Variants in NKAIN2 observed in about 807,000 individuals in gnomAD.
The protein encoded by NKAIN2 is sodium/potassium transporting ATPase interacting 2.
In NKAIN2, 14 loss-of-function variants were observed where a neutral mutation model predicts 32.6. The observed-to-expected ratio is 0.43, with a 90% confidence interval of 0.28 to 0.67. NKAIN2 has a LOEUF of 0.67. Ranked by LOEUF, NKAIN2 falls within the 30% of genes least tolerant of loss-of-function variation. The pLI is 0.17. For synonymous variants in NKAIN2, 80 were observed against 87.2 expected (o/e 0.92, Z 0.46); for missense variants, 198 against 258.3 (o/e 0.77, Z 1.60).
chr6:124,373,942 C>T (rs1370762994), intron 3 of NKAIN2, among the ~76,000 whole-genome samples: 2 of 152,022 alleles, frequency 1.3e-5, no homozygotes, highest in Non-Finnish European at 2.9e-5. Flanking sequence ...AAAAAAGACA[C>T]AGAGGAGTCC....
chr6:124,499,065 G>A (rs1355172981), intron 3 of NKAIN2, among the ~76,000 whole-genome samples: 1 of 152,032 alleles, frequency 6.6e-6, no homozygotes, highest in African/African-American at 2.4e-5. Context: ...ACCTTATCCG[G>A]CCAATGTACT....
intron 3 of NKAIN2, among the ~76,000 whole-genome samples, chr6:124,629,893 G>A (rs1027967747): frequency 5.3e-5 from 8 of 152,040 alleles, no homozygotes; most frequent in African/African-American, 1.9e-4. Flanking sequence ...GCTAGTAAAC[G>A]GTTGTTGAAT....
At chr6:124,730,115 G>C (rs150287087) in intron 4 of NKAIN2, among the ~76,000 whole-genome samples, 1,921 of 91,752 alleles carry the variant, frequency 0.021, 660 homozygotes, top group Non-Finnish European at 0.029. Flanking sequence ...AATCAATATC[G>C]TGAAAATGGC....
intron 5 of NKAIN2, among the ~76,000 whole-genome samples, chr6:124,811,581 A>G (rs916128011): frequency 6.6e-6 from 1 of 152,168 alleles, no homozygotes; most frequent in Non-Finnish European, 1.5e-5. Context: ...TTGATATGGC[A>G]CTTGACTAAC....
At chr6:124,474,452 C>T (rs1777102722) in intron 3 of NKAIN2, among the ~76,000 whole-genome samples, 1 of 152,058 alleles carries the variant, frequency 6.6e-6, no homozygotes, top group Non-Finnish European at 1.5e-5. Flanking sequence ...CAAAGTGATT[C>T]TTCAAACGGA....
At chr6:124,538,643 C>T (rs1398283281) in intron 3 of NKAIN2, among the ~76,000 whole-genome samples, 3 of 152,086 alleles carry the variant, frequency 2.0e-5, no homozygotes, top group Non-Finnish European at 2.9e-5. Flanking sequence ...CCTCCATCAT[C>T]TTCAGTGAGA....
At chr6:124,319,665 A>C (rs1180376749) in intron 2 of NKAIN2, among the ~76,000 whole-genome samples, 2 of 152,092 alleles carry the variant, frequency 1.3e-5, no homozygotes, top group East Asian at 3.8e-4. Flanking sequence ...AAATGTTATT[A>C]TACATGCTGG....
At chr6:124,696,568 T>C (rs533885194) in intron 4 of NKAIN2, among the ~76,000 whole-genome samples, 26 of 152,236 alleles carry the variant, frequency 1.7e-4, no homozygotes, top group African/African-American at 6.3e-4. Context: ...GCCTCATAGC[T>C]GGTCTTTCTT....
intron 4 of NKAIN2, among the ~76,000 whole-genome samples, chr6:124,668,186 C>T (rs2114464425): frequency 6.6e-6 from 1 of 152,218 alleles, no homozygotes; most frequent in South Asian, 2.1e-4. Context: ...TTAGTTCATA[C>T]TATTACACTT....
intron 3 of NKAIN2, among the ~76,000 whole-genome samples, chr6:124,520,379 C>A (rs190449448): frequency 6.6e-5 from 10 of 152,118 alleles, no homozygotes; most frequent in Admixed American, 5.2e-4. Context: ...TATCATGAGA[C>A]CCCCAGAAGC....
chr6:124,073,297 G>T (rs989690597), intron 1 of NKAIN2, among the ~76,000 whole-genome samples: 2 of 152,240 alleles, frequency 1.3e-5, no homozygotes, highest in African/African-American at 4.8e-5. Flanking sequence ...CCGGCACAGC[G>T]TGCCATCTCA....
At chr6:124,035,062 G>C (rs978677561) in intron 1 of NKAIN2, among the ~76,000 whole-genome samples, 7 of 151,978 alleles carry the variant, frequency 4.6e-5, no homozygotes, top group Non-Finnish European at 1.0e-4. Context: ...AAGAAAAAAT[G>C]TCTAATATGC....
intron 1 of NKAIN2, among the ~76,000 whole-genome samples, chr6:123,876,488 C>T (rs1404812441): frequency 6.6e-6 from 1 of 152,068 alleles, no homozygotes; most frequent in Non-Finnish European, 1.5e-5. Context: ...AAAGGATTTG[C>T]TCACGTGTTT....
chr6:124,515,845 T>C (rs1778894122), intron 3 of NKAIN2, among the ~76,000 whole-genome samples: 1 of 151,742 alleles, frequency 6.6e-6, no homozygotes, highest in African/African-American at 2.4e-5. Context: ...CTGTTCTCGT[T>C]TTTAATCTCC....
intron 3 of NKAIN2, among the ~76,000 whole-genome samples, chr6:124,541,597 C>T (rs915703717): frequency 1.8e-4 from 28 of 152,172 alleles, no homozygotes; most frequent in Admixed American, 1.5e-3. Flanking sequence ...AATACTGTGA[C>T]ATTCAACTGT....
At chr6:124,594,161 A>C (rs1583490154) in intron 3 of NKAIN2, among the ~76,000 whole-genome samples, 1 of 152,386 alleles carries the variant, frequency 6.6e-6, no homozygotes, top group Admixed American at 6.5e-5. Context: ...CTCAGCACTC[A>C]ACACAATACT....
At chr6:124,394,837 A>G (rs1773307316) in intron 3 of NKAIN2, among the ~76,000 whole-genome samples, 1 of 152,186 alleles carries the variant, frequency 6.6e-6, no homozygotes, top group South Asian at 2.1e-4. Flanking sequence ...GTGTTTGACC[A>G]AATGTCTGAA....
chr6:124,185,245 A>G (rs1789658776), intron 1 of NKAIN2, among the ~76,000 whole-genome samples: 1 of 152,022 alleles, frequency 6.6e-6, no homozygotes, highest in African/African-American at 2.4e-5. Context: ...TGTGCAAGTA[A>G]CTTATTCATT....
intron 1 of NKAIN2, among the ~76,000 whole-genome samples, chr6:123,841,886 C>G (rs560985511): frequency 1.3e-5 from 2 of 152,260 alleles, no homozygotes; most frequent in East Asian, 3.9e-4. Context: ...AGTCAAGCAA[C>G]TATAGGATGA....
Sources: allele counts gnomAD v4.1 joint callset (sites outside exome capture counted in the v4.1 genomes callset), GRCh38; gene constraint gnomAD v4.1.1; transcripts MANE v1.5; gene names NCBI Gene and HGNC (gene_info 2026-07-23, HGNC 2026-07-21).